FRAS1: variants seen among roughly 807,000 people sequenced by gnomAD.
FRAS1 encodes extracellular matrix organizing protein FRAS1.
A neutral mutation model predicts 435.2 loss-of-function variants in FRAS1; 290 were observed. That is an observed-to-expected ratio of 0.67 (90% CI 0.61 to 0.73). FRAS1 has a LOEUF of 0.73. FRAS1 is among the 30% of genes least tolerant of loss of function. The probability of loss-of-function intolerance (pLI) is 0.00; values close to 1 mark genes in which losing one functional copy is unlikely to be tolerated. For synonymous variants in FRAS1, 1,800 were observed against 1,851.0 expected (o/e 0.97, Z 0.71); for missense variants, 4,860 against 5,001.5 (o/e 0.97, Z 0.85).
chr4:78,428,939 C>T (rs1335752530), intron 35 of FRAS1, among the ~76,000 whole-genome samples, 156 bp from the exon 36 acceptor site: 5 of 152,116 alleles, frequency 3.3e-5, no homozygotes, highest in Non-Finnish European at 1.5e-5. Context: ...TTGTAAGCAT[C>T]TCTTCAAAGG....
At chr4:78,106,153 C>T (rs1185007705) in intron 2 of FRAS1, among the ~76,000 whole-genome samples, 5 of 99,284 alleles carry the variant, frequency 5.0e-5, no homozygotes, top group Non-Finnish European at 4.3e-5. Flanking sequence ...AACTGCAAGG[C>T]GGCAACTAGG....
chr4:78,213,782 C>T (rs189003841), intron 2 of FRAS1, among the ~76,000 whole-genome samples: 21 of 152,182 alleles, frequency 1.4e-4, no homozygotes, highest in South Asian at 4.2e-4. Context: ...ACTAACTGAG[C>T]GCTCTTCTTG....
At chr4:78,296,314 C>A (rs958237567) in intron 14 of FRAS1, among the ~76,000 whole-genome samples, 9 of 151,700 alleles carry the variant, frequency 5.9e-5, no homozygotes, top group Non-Finnish European at 1.5e-5. Context: ...TATGTGGAGA[C>A]CAGACATTCC....
intron 2 of FRAS1, among the ~76,000 whole-genome samples, chr4:78,141,408 G>C (rs1428487656): frequency 6.6e-6 from 1 of 152,192 alleles, no homozygotes; most frequent in Admixed American, 6.5e-5. Flanking sequence ...AAGTGGGGGA[G>C]TTCTCTTTTG....
At chr4:78,262,589 T>C (rs1726162512) in intron 6 of FRAS1, among the ~76,000 whole-genome samples, 1 of 152,198 alleles carries the variant, frequency 6.6e-6, no homozygotes, top group Middle Eastern at 3.2e-3. Context: ...CTGTTTGTCT[T>C]ACTCTTTGGT....
At chr4:78,380,100 A>C in intron 27 of FRAS1, 104 bp downstream of exon 27, 365 of 1,296,136 alleles carry the variant, frequency 2.8e-4, no homozygotes, top group Middle Eastern at 7.7e-4. Context: ...AACCCTTCTC[A>C]TCTGGGGAAG....
chr4:78,062,462 T>C (rs1739801835), intron 1 of FRAS1, among the ~76,000 whole-genome samples: 1 of 152,186 alleles, frequency 6.6e-6, no homozygotes, highest in Non-Finnish European at 1.5e-5. Context: ...ATGAGTCATG[T>C]TCTTGTGGTA....
chr4:78,060,884 T>A lies in FRAS1; in HGVS notation c.76+2799T>A, dbSNP rs1432553921. Among the ~76,000 whole-genome samples, 3 of 152,306 alleles carry A rather than the reference T, an allele frequency of 2.0e-5. No homozygotes were observed. The East Asian group carries it at 5.8e-4, about 29-fold the overall frequency. On this transcript the variant is annotated intron_variant, in intron 1 of 73. Coordinates refer to ENST00000512123, the MANE Select transcript of FRAS1 (RefSeq NM_025074.7). ...TTTTTTGAGGCACAGTCTTGCTCTA[T>A]CACCCAGGCTAGAGTGCAGTGGTGC...
At chr4:78,417,500 G>A (rs994307778) in intron 32 of FRAS1, among the ~76,000 whole-genome samples, 1 of 152,108 alleles carries the variant, frequency 6.6e-6, no homozygotes, top group African/African-American at 2.4e-5. Flanking sequence ...CCTTATATAG[G>A]GCATATAGTT....
Position 78,479,508 on chromosome 4 carries a change from G to A in FRAS1, c.8233G>A (p.Gly2745Arg), listed in dbSNP as rs139988760. 115 of 1,613,326 alleles carry A rather than the reference G, an allele frequency of 7.1e-5. No homozygotes were observed. In the African/African-American group the frequency reaches 1.1e-3, roughly 15 times the overall value. Reference protein sequence around the residue: ...GMSAASRVIFGPGVTMSTCDV... With the variant: ...GMSAASRVIFRPGVTMSTCDV... ...GTCTGCCGCGAGTCGTGTGATATTC[G>A]GGCCTGGTGTGACCATGTCCACCTG... The change falls in exon 56 of 74, where the codon GGG (glycine) becomes AGG (arginine). Residue 2745 changes from glycine (G) to arginine (R), a missense_variant. By Grantham distance (125) the Gly-to-Arg change is moderately radical. Transcript: ENST00000512123.
intron 3 of FRAS1, among the ~76,000 whole-genome samples, chr4:78,244,929 C>T (rs930488331): frequency 1.1e-4 from 16 of 152,090 alleles, no homozygotes; most frequent in African/African-American, 3.6e-4. Flanking sequence ...GAGAAAACTG[C>T]TTATCTTGTG....
rs747359502 is a variant in FRAS1 at position 78,446,763 on chromosome 4, C to T, written c.5893C>T (p.Pro1965Ser). The change falls in exon 43 of 74, where the codon CCC (proline) becomes TCC (serine). Residue 1965 changes from proline to serine, a missense_variant. Coordinates refer to ENST00000512123, the MANE Select transcript of FRAS1 (RefSeq NM_025074.7). The stretch of plus-strand genomic sequence containing the variant: ...TGAGCCTCCCAGGATGACCTTGCAG[C>T]CCCTCAGAGTGCAGCTGAGCTCGGG... Reference protein sequence around the residue: ...NDEPPRMTLQPLRVQLSSGVV... With the variant: ...NDEPPRMTLQSLRVQLSSGVV... 43 of 1,613,382 alleles carry T rather than the reference C, an allele frequency of 2.7e-5. No homozygotes were observed. Among genetic ancestry groups the T allele is most frequent in the Non-Finnish European group, 3.4e-5 (40 of 1,179,710 alleles).
intron 23 of FRAS1, among the ~76,000 whole-genome samples, chr4:78,371,838 T>C (rs1731524799): frequency 6.6e-6 from 1 of 152,178 alleles, no homozygotes; most frequent in African/African-American, 2.4e-5. Context: ...GCAACAACTA[T>C]AATATTCACA....
intron 2 of FRAS1, among the ~76,000 whole-genome samples, chr4:78,228,139 A>G (rs371052742): frequency 2.0e-5 from 3 of 152,232 alleles, no homozygotes; most frequent in African/African-American, 7.2e-5. Context: ...TGGTGTAGCT[A>G]TAATTTAATT....
rs1048811855 is a variant in FRAS1, at chr4:78,102,654, C to G, written c.108+36638C>G. 1.6e-4 allele frequency among the ~76,000 whole-genome samples: 25 copies of G among 152,184 alleles called. 1 individual carries two copies. The highest frequency in any genetic ancestry group is 5.8e-4 in the East Asian group (3 of 5,184). On this transcript the variant is annotated intron_variant, in intron 2 of 73. Transcript: ENST00000512123. ...TGAGAAGTTGAAGAATTTGTGCAAG[C>G]CAAATATATAGTGAGGGCTACTATA...
chr4:78,341,362 A>G (rs999516189), intron 20 of FRAS1, among the ~76,000 whole-genome samples: 1 of 152,176 alleles, frequency 6.6e-6, no homozygotes, highest in African/African-American at 2.4e-5. Context: ...GATGCCTTGA[A>G]GATTCTGGGA....
At chr4:78,212,926 C>T (rs939563107) in intron 2 of FRAS1, among the ~76,000 whole-genome samples, 3 of 152,194 alleles carry the variant, frequency 2.0e-5, no homozygotes, top group African/African-American at 7.2e-5. Context: ...ACAGTCACAA[C>T]AGAGGCTTCA....
intron 9 of FRAS1, among the ~76,000 whole-genome samples, chr4:78,278,145 G>A (rs1727154533): frequency 6.6e-6 from 1 of 152,326 alleles, no homozygotes; most frequent in South Asian, 2.1e-4. Flanking sequence ...TTGGCTAACA[G>A]TAAGAGTTTC....
intron 7 of FRAS1, among the ~76,000 whole-genome samples, chr4:78,265,404 A>G (rs1272325077): frequency 6.6e-6 from 1 of 152,202 alleles, no homozygotes; most frequent in Admixed American, 6.5e-5. Context: ...ATTGATTACC[A>G]TCAGTTTACA....
Sources: allele counts gnomAD v4.1 joint callset (sites outside exome capture counted in the v4.1 genomes callset), GRCh38; gene constraint gnomAD v4.1.1; transcripts MANE v1.5; gene names NCBI Gene and HGNC (gene_info 2026-07-23, HGNC 2026-07-21).